Variants in ROCK1 observed in about 807,000 individuals in gnomAD.
ROCK1 encodes Rho associated coiled-coil containing protein kinase 1, also known as rho-associated protein kinase 1.
In ROCK1, 36 loss-of-function variants were observed where a neutral mutation model predicts 196.8. That is an observed-to-expected ratio of 0.18 (90% CI 0.14 to 0.24). The LOEUF (loss-of-function observed/expected upper bound fraction) is 0.24, where lower values mean the gene tolerates loss of function less well. Among genes scored for constraint, ROCK1 ranks in the 10% least tolerant of loss-of-function variants. The pLI, the probability that ROCK1 is intolerant of heterozygous loss-of-function variation, is 1.00. For synonymous variants in ROCK1, 443 were observed against 515.9 expected, an observed-to-expected ratio of 0.86 and a Z score of 1.91; for missense variants, 920 against 1,562.0, an observed-to-expected ratio of 0.59 and a Z score of 6.93.
intron 18 of ROCK1, among the ~76,000 whole-genome samples, chr18:20,988,055 T>C (rs2035591872): frequency 6.6e-6 from 1 of 152,094 alleles, no homozygotes; most frequent in Admixed American, 6.6e-5. Flanking sequence ...CAACCCCAGT[T>C]AGACTCAGTC....
At chr18:21,017,441 C>T (rs1454268504) in intron 12 of ROCK1, among the ~76,000 whole-genome samples, 4 of 151,520 alleles carry the variant, frequency 2.6e-5, no homozygotes, top group Admixed American at 6.6e-5. Flanking sequence ...CCGCCTGCCT[C>T]GGCCTCCCAA....
chr18:20,958,288 C>A (rs1439958003), intron 29 of ROCK1, among the ~76,000 whole-genome samples: 1 of 151,968 alleles, frequency 6.6e-6, no homozygotes, highest in Non-Finnish European at 1.5e-5. Flanking sequence ...CTAACTATAA[C>A]CAGCTCCACA....
chr18:20,996,326 A>G (rs944091322), intron 16 of ROCK1, among the ~76,000 whole-genome samples: 2 of 152,198 alleles, frequency 1.3e-5, no homozygotes, highest in Admixed American at 1.3e-4. Context: ...CAAGCAAAAG[A>G]AAGTATTAGT....
At chr18:20,999,172 T>A (rs1336225881) in intron 16 of ROCK1, among the ~76,000 whole-genome samples, 1 of 152,022 alleles carries the variant, frequency 6.6e-6, no homozygotes, top group Non-Finnish European at 1.5e-5. Flanking sequence ...TCATGACAAA[T>A]ACCATTTGCT....
intron 29 of ROCK1, among the ~76,000 whole-genome samples, chr18:20,958,673 T>C (rs2143329394): frequency 6.6e-6 from 1 of 150,566 alleles, no homozygotes; most frequent in African/African-American, 2.4e-5. Flanking sequence ...TCCAAAAATA[T>C]CAAAGTCCAA....
At chr18:21,057,815 T>C (rs1479646325) in intron 2 of ROCK1, among the ~76,000 whole-genome samples, 3 of 152,004 alleles carry the variant, frequency 2.0e-5, no homozygotes, top group Non-Finnish European at 4.4e-5. Flanking sequence ...ACCGAGACTC[T>C]GTATCAAGAA....
chr18:20,980,409 T>C (rs1467591713), intron 21 of ROCK1, among the ~76,000 whole-genome samples: 1 of 152,176 alleles, frequency 6.6e-6, no homozygotes, highest in Non-Finnish European at 1.5e-5. Flanking sequence ...GATGAAATTC[T>C]AGGACAGGTG....
intron 2 of ROCK1, among the ~76,000 whole-genome samples, chr18:21,061,251 G>A (rs1385614852): frequency 2.6e-5 from 4 of 151,798 alleles, no homozygotes; most frequent in African/African-American, 7.3e-5. Context: ...GCTAATTTTC[G>A]TATTTTTTAA....
At chr18:21,098,253 CAGA>C (rs1323695582) in intron 1 of ROCK1, among the ~76,000 whole-genome samples, 3 of 152,034 alleles carry the variant, frequency 2.0e-5, no homozygotes, top group Non-Finnish European at 4.4e-5. Flanking sequence ...ACCAATGGAA[CAGA>C]AGGTTAGAAA....
At chr18:20,997,710 T>C in intron 16 of ROCK1, among the ~76,000 whole-genome samples, 1 of 152,146 alleles carries the variant, frequency 6.6e-6, no homozygotes, top group East Asian at 1.9e-4. Context: ...TGAGGATCAT[T>C]CTCAAGGACA....
At position 20,967,032 on chromosome 18, in the gene ROCK1, C is replaced by A. The variant is rs1337509675; in HGVS notation, c.3237G>T (p.Gln1079His). The A allele has an allele frequency of 6.2e-7, 1 of 1,613,152 alleles. No individual in the cohort carries two copies. The highest frequency in any genetic ancestry group is 1.7e-5 in the Admixed American group (1 of 59,990). The change falls in exon 27 of 33, where the codon CAG (glutamine) becomes CAT (histidine). Residue 1079 changes from glutamine (Q) to histidine (H), a missense_variant. Coordinates refer to ENST00000399799, the MANE Select transcript of ROCK1 (RefSeq NM_005406.3). ...CAATATCACTCTCTTTGCTGGCCAA[C>A]TGCATCTGAAGCTCATTCCTATGTG... ...ECAHRNELQM[Q>H]LASKESDIEQ...
intron 16 of ROCK1, among the ~76,000 whole-genome samples, chr18:20,996,832 C>T (rs1598521888): frequency 6.6e-6 from 1 of 152,206 alleles, no homozygotes; most frequent in South Asian, 2.1e-4. Flanking sequence ...TTTCTCTTTG[C>T]TTGTTTGTTA....
chr18:21,018,509 G>A (rs1187351623), intron 12 of ROCK1, among the ~76,000 whole-genome samples: 4 of 148,092 alleles, frequency 2.7e-5, no homozygotes, highest in African/African-American at 7.5e-5. Context: ...CAGCCTGGGG[G>A]ACAAGAGTGA....
intron 27 of ROCK1, among the ~76,000 whole-genome samples, chr18:20,965,054 G>A (rs1432651769): frequency 1.3e-5 from 2 of 152,106 alleles, no homozygotes; most frequent in Non-Finnish European, 2.9e-5. Context: ...GGAAATGGGT[G>A]GAATAAAAAT....
intron 16 of ROCK1, among the ~76,000 whole-genome samples, chr18:20,998,186 T>C (rs2035689556): frequency 2.0e-5 from 3 of 152,144 alleles, no homozygotes; most frequent in Non-Finnish European, 1.5e-5. Context: ...TTAAAGAATA[T>C]GCTCCTGAAT....
chr18:20,998,874 G>C (rs1213814006), intron 16 of ROCK1, among the ~76,000 whole-genome samples: 3 of 152,042 alleles, frequency 2.0e-5, no homozygotes, highest in African/African-American at 7.2e-5. Flanking sequence ...CTCTCAAAGT[G>C]CTGGGATTAC....
intron 20 of ROCK1, among the ~76,000 whole-genome samples, chr18:20,983,960 T>A (rs2035555977): frequency 6.6e-6 from 1 of 152,120 alleles, no homozygotes; most frequent in African/African-American, 2.4e-5. Flanking sequence ...GCATATCACA[T>A]CCCAAGAGTA....
At chr18:21,088,012 T>C (rs2036541180) in intron 1 of ROCK1, among the ~76,000 whole-genome samples, 2 of 152,150 alleles carry the variant, frequency 1.3e-5, no homozygotes, top group African/African-American at 4.8e-5. Flanking sequence ...AAAAAGATAG[T>C]AGGGAAATCT....
chr18:21,054,004 T>C (rs1309958427), intron 2 of ROCK1, among the ~76,000 whole-genome samples: 1 of 152,218 alleles, frequency 6.6e-6, no homozygotes, highest in Admixed American at 6.5e-5. Context: ...TGAGCAGCAG[T>C]GTGAAGCAAG....
Sources: gnomAD v4.1 joint callset for allele counts (sites outside exome capture counted in the v4.1 genomes callset) on GRCh38, gnomAD v4.1.1 for gene constraint, MANE v1.5 for transcripts, NCBI Gene and HGNC (gene_info 2026-07-23, HGNC 2026-07-21) for gene names.